Variants in SPECC1 observed in about 807,000 individuals in gnomAD.
The protein encoded by SPECC1 is cytospin-B.
A neutral mutation model predicts 104.1 loss-of-function variants in SPECC1; 62 were observed. That is an observed-to-expected ratio of 0.60 (90% CI 0.49 to 0.74). The LOEUF is 0.74. Among genes scored for constraint, SPECC1 ranks in the 30% least tolerant of loss-of-function variants. The pLI, the probability that SPECC1 is intolerant of heterozygous loss-of-function variation, is 0.00. For missense variants in SPECC1, 1,306 were observed against 1,310.5 expected (o/e 1.00, Z 0.05); for synonymous variants, 513 against 501.6 (o/e 1.02, Z -0.30).
intron 3 of SPECC1, among the ~76,000 whole-genome samples, chr17:20,168,775 T>C (rs73301551): frequency 8.9e-4 from 136 of 152,370 alleles, no homozygotes; most frequent in African/African-American, 3.2e-3. Context: ...ATGTGTGTGC[T>C]TGTATGCTTG....
At chr17:20,043,999 G>A (rs535950065) in intron 1 of SPECC1, among the ~76,000 whole-genome samples, 3 of 152,216 alleles carry the variant, frequency 2.0e-5, no homozygotes, top group Admixed American at 6.5e-5. Context: ...ACAGTATTTA[G>A]CACTGTTTCT....
intron 1 of SPECC1, among the ~76,000 whole-genome samples, chr17:20,019,634 G>T (rs1410538640): frequency 6.6e-6 from 1 of 152,190 alleles, no homozygotes; most frequent in Non-Finnish European, 1.5e-5. Context: ...GGAAAGTTGA[G>T]ATTGGGTTCT....
intron 13 of SPECC1, among the ~76,000 whole-genome samples, chr17:20,303,617 A>G (rs1000607779): frequency 4.1e-4 from 62 of 152,316 alleles, no homozygotes; most frequent in African/African-American, 1.4e-3. Context: ...TGATGTATGA[A>G]ATCTAAAATA....
At chr17:20,270,932 G>A (rs569744836) in intron 12 of SPECC1, among the ~76,000 whole-genome samples, 6 of 152,046 alleles carry the variant, frequency 3.9e-5, no homozygotes, top group Non-Finnish European at 8.8e-5. Flanking sequence ...ATTTTTCATT[G>A]CAGATGAAGG....
chr17:20,291,824 G>A lies in SPECC1; in HGVS notation c.2941-5137G>A, dbSNP rs545407822. Among the ~76,000 whole-genome samples, 137 of 151,868 alleles carry A rather than the reference G, an allele frequency of 9.0e-4. 2 individuals are homozygous for A. The highest frequency in any genetic ancestry group is 9.0e-3 in the South Asian group (43 of 4,792). On this transcript the variant is annotated intron_variant, in intron 12 of 14. Coordinates refer to ENST00000395527, the MANE Select transcript of SPECC1 (RefSeq NM_001243439.2). ...CCTCCCAAAGTTCTGGGGTTACAGC[G>A]TGAGCTACCGCACCCAGCCAAGGGA...
chr17:20,130,917 C>T (rs575696513), intron 3 of SPECC1, among the ~76,000 whole-genome samples: 23 of 152,166 alleles, frequency 1.5e-4, no homozygotes, highest in Non-Finnish European at 2.2e-4. Context: ...TTGTAGTTTG[C>T]GGCATACAAA....
rs114813718 is a variant in SPECC1 at position 20,129,630 on chromosome 17, G to A, written c.283+19068G>A. ...CAACCTTATAACAGGGTCTTTCACAGACCAAAAATTTTAAATTTTGATGAA... is the reference window on the plus strand; with the variant it reads ...CAACCTTATAACAGGGTCTTTCACAAACCAAAAATTTTAAATTTTGATGAA... On this transcript the variant is annotated intron_variant, in intron 3 of 14. Coordinates refer to ENST00000395527, the MANE Select transcript of SPECC1 (RefSeq NM_001243439.2). 4.7e-3 allele frequency among the ~76,000 whole-genome samples: 718 copies of A among 152,240 alleles called. 6 individuals are homozygous for A. The highest frequency in any genetic ancestry group is 0.016 in the African/African-American group (683 of 41,540).
chr17:20,062,030 C>T (rs778505302), intron 1 of SPECC1, among the ~76,000 whole-genome samples: 2 of 151,820 alleles, frequency 1.3e-5, no homozygotes, highest in African/African-American at 2.4e-5. Context: ...GAGGCCGAGG[C>T]GGGTGGATTA....
intron 1 of SPECC1, among the ~76,000 whole-genome samples, chr17:20,028,478 GAAAA>G (rs915649319): frequency 7.2e-6 from 1 of 139,078 alleles, no homozygotes; most frequent in East Asian, 2.1e-4. Context: ...CTACAAAAAA[GAAAA>G]AAAAAAAGAA....
At chr17:20,268,671 G>A (rs545665916) in intron 12 of SPECC1, among the ~76,000 whole-genome samples, 9 of 152,238 alleles carry the variant, frequency 5.9e-5, no homozygotes, top group East Asian at 3.9e-4. Context: ...CTTCTGTACC[G>A]TTTCTGACAC....
intron 1 of SPECC1, among the ~76,000 whole-genome samples, chr17:20,055,390 A>G (rs1286277836): frequency 6.6e-6 from 1 of 152,082 alleles, no homozygotes; most frequent in African/African-American, 2.4e-5. Flanking sequence ...AGGAACCTGC[A>G]TACTCTTTTC....
At chr17:20,248,383 A>C (rs2039502954) in intron 9 of SPECC1, among the ~76,000 whole-genome samples, 1 of 152,110 alleles carries the variant, frequency 6.6e-6, no homozygotes, top group African/African-American at 2.4e-5. Context: ...ATGAGGATGG[A>C]GTTGAGTGAG....
chr17:20,284,667 T>C (rs1229581785), intron 12 of SPECC1, among the ~76,000 whole-genome samples: 1 of 152,264 alleles, frequency 6.6e-6, no homozygotes, highest in African/African-American at 2.4e-5. Flanking sequence ...TTGCACATGC[T>C]GAGCTCCAGT....
chr17:20,304,198 G>A (rs1046558541), intron 13 of SPECC1, among the ~76,000 whole-genome samples: 7 of 145,282 alleles, frequency 4.8e-5, no homozygotes, highest in Non-Finnish European at 9.0e-5. Flanking sequence ...ACTGAGAAAC[G>A]AGAATCACTT....
chr17:20,275,400 C>T (rs1347350104), intron 12 of SPECC1, among the ~76,000 whole-genome samples: 1 of 152,074 alleles, frequency 6.6e-6, no homozygotes, highest in Non-Finnish European at 1.5e-5. Context: ...CTCTAAAACC[C>T]TGTATCATCT....
intron 3 of SPECC1, among the ~76,000 whole-genome samples, chr17:20,193,013 AGAGCAGCCCTGAGG>A (rs1016371979): frequency 3.9e-5 from 6 of 152,216 alleles, no homozygotes; most frequent in Non-Finnish European, 7.3e-5. Context: ...GCTACTCCAT[AGAGCAGCCCTGAGG>A]GCTGCTGGTT....
rs2043874613 is a variant in SPECC1 at position 20,009,878 on chromosome 17, T to C, written c.-22+454T>C. 6.6e-6 allele frequency: 1 copy of C among 152,146 alleles called. No homozygotes were observed. The highest frequency in any genetic ancestry group is 1.5e-5 in the Non-Finnish European group (1 of 68,062). 9.4% of individuals were successfully genotyped at this position (152,146 alleles called of 1,614,324 possible). A position where few individuals can be genotyped will look rare whatever the true frequency, so the allele number is the denominator to read the frequency against. On this transcript the variant is annotated intron_variant, in intron 1 of 14. Transcript: ENST00000395527. This position sits in a 1 kb window ranked among gnomAD's most constrained non-coding sequence, Gnocchi z 5.2. The stretch of plus-strand genomic sequence containing the variant: ...CTCCCGCACCCTCCCTGTTGTGCCT[T>C]GGGGGTGCTGCGTGGTGCAGAGGAC...
chr17:20,195,651 G>A (rs539696571), intron 3 of SPECC1, among the ~76,000 whole-genome samples: 8 of 151,584 alleles, frequency 5.3e-5, no homozygotes, highest in South Asian at 2.1e-4. Context: ...TCTGCCTCCC[G>A]GGTTCAAACA....
chr17:20,098,277 C>G (rs1597693292), intron 2 of SPECC1, among the ~76,000 whole-genome samples: 1 of 152,164 alleles, frequency 6.6e-6, no homozygotes, highest in South Asian at 2.1e-4. Context: ...GTGGCATCAC[C>G]CTTAAACCCT....
Sources: gnomAD v4.1 joint callset for allele counts (sites outside exome capture counted in the v4.1 genomes callset) on GRCh38, gnomAD v4.1.1 for gene constraint, Gnocchi (gnomAD v3.1) non-coding constraint, MANE v1.5 for transcripts, NCBI Gene and HGNC (gene_info 2026-07-23, HGNC 2026-07-21) for gene names.